Variants in CNOT2 observed in about 807,000 individuals in gnomAD.
CNOT2 encodes the protein CCR4-NOT transcription complex subunit 2, also known as CC chemokine receptor 4-negative regulator of transcription 2.
A neutral mutation model predicts 72.1 loss-of-function variants in CNOT2; 7 were observed. The ratio of observed to expected loss-of-function variants is 0.10; its 90% CI spans 0.06 to 0.18. The LOEUF is 0.18. Among genes scored for constraint, CNOT2 ranks in the 10% least tolerant of loss-of-function variants. The probability of loss-of-function intolerance (pLI) is 1.00; values close to 1 mark genes in which losing one functional copy is unlikely to be tolerated. For missense variants in CNOT2, 345 were observed against 660.3 expected, an observed-to-expected ratio of 0.52 and a Z score of 5.23; for synonymous variants, 196 against 225.6, an observed-to-expected ratio of 0.87 and a Z score of 1.17.
At chr12:70,347,490 G>A in intron 15 of CNOT2, 1 of 152,212 alleles carries the variant, frequency 6.6e-6, no homozygotes, top group East Asian at 1.9e-4. Context: ...AAAATTAGCT[G>A]GGCCTGGTGG....
chr12:70,273,931 C>G (rs1416873813), intron 1 of CNOT2, among the ~76,000 whole-genome samples: 2 of 151,996 alleles, frequency 1.3e-5, no homozygotes, highest in Non-Finnish European at 2.9e-5. Context: ...TTATGACAAC[C>G]AGAGAGCAAA....
chr12:70,341,943 A>AAC, intron 11 of CNOT2, 164 bp from the exon 12 acceptor site: 1 of 634,130 alleles, frequency 1.6e-6, no homozygotes, highest in Non-Finnish European at 2.8e-6. Context: ...CACACACACA[A>AAC]ACACACACAG....
chr12:70,341,648 G>A (rs1593277808), intron 11 of CNOT2, among the ~76,000 whole-genome samples: 1 of 152,194 alleles, frequency 6.6e-6, no homozygotes, highest in Middle Eastern at 3.4e-3. Flanking sequence ...CTAGAACAGT[G>A]CCAGGCATAT....
At chr12:70,265,258 G>A (rs1958966403) in intron 1 of CNOT2, among the ~76,000 whole-genome samples, 2 of 122,538 alleles carry the variant, frequency 1.6e-5, no homozygotes, top group African/African-American at 2.9e-5. Flanking sequence ...TACCAAACCT[G>A]GAGTTTCGTT....
intron 1 of CNOT2, among the ~76,000 whole-genome samples, chr12:70,262,284 T>G (rs768170688): frequency 6.6e-6 from 1 of 152,216 alleles, no homozygotes; most frequent in African/African-American, 2.4e-5. Context: ...TTTTGTTTTG[T>G]TTTGTTTGAG....
chr12:70,348,435 C>T (rs1461010350), intron 15 of CNOT2, among the ~76,000 whole-genome samples: 1 of 151,972 alleles, frequency 6.6e-6, no homozygotes, highest in Non-Finnish European at 1.5e-5. Flanking sequence ...TGGTCTTGGT[C>T]CAGAACTATA....
At chr12:70,294,196 G>A in intron 2 of CNOT2, 1 of 1,289,398 alleles carries the variant, frequency 7.8e-7, no homozygotes, top group Non-Finnish European at 1.0e-6. Flanking sequence ...GGTGGGGCTG[G>A]TGCCATGGCT....
chr12:70,301,640 A>AT (rs1271399146), intron 2 of CNOT2: 1 of 152,044 alleles, frequency 6.6e-6, no homozygotes, highest in African/African-American at 2.4e-5. Context: ...TTTATTGAGG[A>AT]TTTTTGCATC....
At chr12:70,248,087 C>A (rs1275600732) in intron 1 of CNOT2, among the ~76,000 whole-genome samples, 3 of 152,108 alleles carry the variant, frequency 2.0e-5, no homozygotes, top group African/African-American at 7.2e-5. Context: ...GCATTTCTCG[C>A]TGTATTTTGT....
intron 1 of CNOT2, among the ~76,000 whole-genome samples, chr12:70,247,143 C>A (rs1312729032): frequency 6.6e-6 from 1 of 151,778 alleles, no homozygotes; most frequent in East Asian, 1.9e-4. Flanking sequence ...GCCACTTAAC[C>A]CTGCACATTT....
intron 7 of CNOT2, 128 bp from the exon 8 acceptor site, chr12:70,335,310 C>A: frequency 1.5e-6 from 1 of 670,408 alleles, no homozygotes; most frequent in South Asian, 1.8e-5. Flanking sequence ...CCTACATACA[C>A]CTAGTACAGT....
At chr12:70,291,488 C>T (rs901659013) in intron 2 of CNOT2, among the ~76,000 whole-genome samples, 15 of 152,122 alleles carry the variant, frequency 9.9e-5, no homozygotes, top group African/African-American at 3.6e-4. Flanking sequence ...TAGTTTGAGC[C>T]ACTAGTCTTC....
chr12:70,297,816 C>A (rs1200414352), intron 2 of CNOT2: 1 of 306,062 alleles, frequency 3.3e-6, no homozygotes, highest in Admixed American at 4.5e-5. Flanking sequence ...TGGCTCACTG[C>A]AACCTCCGCC....
chr12:70,270,051 CAG>C (rs1394861971), intron 1 of CNOT2, among the ~76,000 whole-genome samples: 4 of 152,084 alleles, frequency 2.6e-5, no homozygotes, highest in African/African-American at 9.7e-5. Context: ...TTGGCAAACA[CAG>C]AGTTTTATTT....
intron 3 of CNOT2, among the ~76,000 whole-genome samples, chr12:70,315,459 A>G (rs1258727644): frequency 1.3e-5 from 2 of 152,140 alleles, no homozygotes; most frequent in Non-Finnish European, 2.9e-5. Context: ...TGAGTATATT[A>G]TACAGAGTCT....
chr12:70,257,326 T>G (rs1398212209), intron 1 of CNOT2, among the ~76,000 whole-genome samples: 3 of 151,444 alleles, frequency 2.0e-5, no homozygotes, highest in Admixed American at 6.6e-5. Flanking sequence ...TACAGGATAC[T>G]CTCAGTGAGT....
At chr12:70,311,075 T>G in intron 3 of CNOT2, 58 bp downstream of exon 3, 1 of 1,280,670 alleles carries the variant, frequency 7.8e-7, no homozygotes, top group South Asian at 1.2e-5. Flanking sequence ...TCTGGGTTCC[T>G]GAAAAACAGC....
At chr12:70,290,347 A>G (rs911336630) in intron 2 of CNOT2, among the ~76,000 whole-genome samples, 6 of 151,760 alleles carry the variant, frequency 4.0e-5, no homozygotes, top group Non-Finnish European at 8.8e-5. Context: ...TGTGCCAGTC[A>G]TTCTTGTTTA....
At chr12:70,244,242 AG>A (rs775409064) in intron 1 of CNOT2, 12 of 152,306 alleles carry the variant, frequency 7.9e-5, no homozygotes, top group Non-Finnish European at 1.5e-4. Context: ...GGGGCGGCGG[AG>A]GAACCACAGA....
Sources: allele counts gnomAD v4.1 joint callset (sites outside exome capture counted in the v4.1 genomes callset), GRCh38; gene constraint gnomAD v4.1.1; transcripts MANE v1.5; gene names NCBI Gene and HGNC (gene_info 2026-07-23, HGNC 2026-07-21).